KIF26B: variants seen among roughly 807,000 people sequenced by gnomAD.
KIF26B encodes the protein kinesin family member 26B.
KIF26B carries 63 observed loss-of-function variants against 151.2 expected under a neutral mutation model. The observed-to-expected ratio is 0.42, with a 90% CI of 0.34 to 0.51. The LOEUF (loss-of-function observed/expected upper bound fraction) is 0.51. Ranked by LOEUF, KIF26B falls within the 20% of genes least tolerant of loss-of-function variation. The probability of loss-of-function intolerance (pLI) is 0.07; values close to 1 mark genes in which losing one functional copy is unlikely to be tolerated. For synonymous variants in KIF26B, 1,357 were observed against 1,262.1 expected (o/e 1.08, Z -1.59); for missense variants, 2,813 against 2,913.6 (o/e 0.97, Z 0.79).
chr1:245,236,218 C>A (rs1473636151), intron 2 of KIF26B, among the ~76,000 whole-genome samples: 1 of 152,048 alleles, frequency 6.6e-6, no homozygotes, highest in Non-Finnish European at 1.5e-5. Flanking sequence ...GTGAGTGAGC[C>A]TCTGGCATCA....
chr1:245,183,812 T>G (rs1315023259), intron 2 of KIF26B, among the ~76,000 whole-genome samples: 1 of 151,886 alleles, frequency 6.6e-6, no homozygotes, highest in Non-Finnish European at 1.5e-5. Flanking sequence ...CAAAGCAAAT[T>G]AAGCATCAGA....
At chr1:245,442,817 AGCGGTC>A (rs1659144602) in intron 4 of KIF26B, among the ~76,000 whole-genome samples, 4 of 96,496 alleles carry the variant, frequency 4.1e-5, no homozygotes, top group Non-Finnish European at 8.5e-5. Context: ...GTTCACCTAC[AGCGGTC>A]ATCTCCCTCA....
At chr1:245,605,555 G>A (rs1378717037) in intron 6 of KIF26B, among the ~76,000 whole-genome samples, 1 of 152,230 alleles carries the variant, frequency 6.6e-6, no homozygotes, top group Non-Finnish European at 1.5e-5. Flanking sequence ...GGCTTCGGCA[G>A]TCGCTGGCTG....
intron 3 of KIF26B, among the ~76,000 whole-genome samples, chr1:245,381,631 C>T (rs759395728): frequency 6.6e-6 from 1 of 152,138 alleles, no homozygotes; most frequent in Non-Finnish European, 1.5e-5. Flanking sequence ...GCATTAGGTA[C>T]ATTGACATGA....
chr1:245,662,654 A>AGT, intron 10 of KIF26B, among the ~76,000 whole-genome samples: 1 of 34,396 alleles, frequency 2.9e-5, no homozygotes, highest in African/African-American at 1.5e-4. Flanking sequence ...ACACACATCC[A>AGT]ATACATACAT....
intron 2 of KIF26B, among the ~76,000 whole-genome samples, chr1:245,303,188 C>T (rs1319180302): frequency 1.4e-5 from 2 of 143,506 alleles, no homozygotes; most frequent in Non-Finnish European, 3.0e-5. Flanking sequence ...TTGAACTAAA[C>T]TAAATGTTCT....
intron 5 of KIF26B, among the ~76,000 whole-genome samples, chr1:245,574,853 CTTTTTTTTTTCTTTTTT>C (rs2043101529): frequency 7.2e-6 from 1 of 138,970 alleles, no homozygotes; most frequent in South Asian, 2.3e-4. Flanking sequence ...ATATCTTTTT[CTTTTTTTTTTCTTTTTT>C]TTTTTTTTTT....
chr1:245,366,046 C>A (rs1440096177), intron 2 of KIF26B, among the ~76,000 whole-genome samples: 1 of 152,178 alleles, frequency 6.6e-6, no homozygotes, highest in Non-Finnish European at 1.5e-5. Context: ...TAGAACAGAA[C>A]CTCTGTTCGA....
chr1:245,691,292 G>A (rs905871915), intron 12 of KIF26B, among the ~76,000 whole-genome samples: 3 of 152,246 alleles, frequency 2.0e-5, no homozygotes, highest in Admixed American at 2.0e-4. Context: ...CCTTGCTCTG[G>A]GCTAAGTGCT....
At chr1:245,266,386 C>T (rs992428404) in intron 2 of KIF26B, among the ~76,000 whole-genome samples, 1 of 152,156 alleles carries the variant, frequency 6.6e-6, no homozygotes, top group Non-Finnish European at 1.5e-5. Context: ...TTTATTCTTA[C>T]CTCTATTACC....
chr1:245,233,452 T>C lies in KIF26B; in HGVS notation c.465+76769T>C, dbSNP rs551813310. On this transcript the variant is annotated intron_variant, in intron 2 of 14. Coordinates refer to ENST00000407071, the MANE Select transcript of KIF26B (RefSeq NM_018012.4). ...CGTGACCTGAGGACCAGTGGAAAGATATTACCTGGGTACTTGTTAGAAAAT... is the reference window on the plus strand; with the variant it reads ...CGTGACCTGAGGACCAGTGGAAAGACATTACCTGGGTACTTGTTAGAAAAT... 9.2e-4 allele frequency among the ~76,000 whole-genome samples: 140 copies of C among 152,326 alleles called. 1 individual carries two copies. The highest frequency in any genetic ancestry group is 3.2e-3 in the African/African-American group (135 of 41,586).
intron 5 of KIF26B, among the ~76,000 whole-genome samples, chr1:245,591,893 C>G (rs73137647): frequency 0.04 from 6,161 of 152,260 alleles, 390 homozygotes; most frequent in African/African-American, 0.13. Context: ...ACCTGGCCCC[C>G]CAAGCCTGCC....
At chr1:245,427,823 C>T (rs145962252) in intron 4 of KIF26B, among the ~76,000 whole-genome samples, 2 of 152,326 alleles carry the variant, frequency 1.3e-5, no homozygotes, top group African/African-American at 4.8e-5. Flanking sequence ...TTCCAGATCT[C>T]AGTCTGCCTA....
chr1:245,702,583 G>A lies in KIF26B; in HGVS notation c.6304G>A (p.Asp2102Asn), dbSNP rs761880773. The change falls in exon 15 of 15, where the codon GAC becomes AAC. Residue 2102 changes from aspartate to asparagine, a missense_variant. Physicochemically the swap from Asp to Asn is conservative, Grantham distance 23. Around this residue, in one of 3 missense-constraint regions of KIF26B, gnomAD observed 2,060 missense variants for 2,088.6 expected, o/e 0.99. Coordinates refer to ENST00000407071, the MANE Select transcript of KIF26B (RefSeq NM_018012.4). The surrounding 1 kb of genome is among the most constrained non-coding windows in gnomAD (Gnocchi z 4.1). Reference sequence around the variant, plus strand: ...CCATCTCATGATGATCACCTGCTTCGACATCACCTCCAGGCGCCGGTAGAT... The same window carrying A: ...CCATCTCATGATGATCACCTGCTTCAACATCACCTCCAGGCGCCGGTAGAT... ...KAHLMMITCF[D>N]ITSRRR 9 of 1,613,868 alleles carry A rather than the reference G, an allele frequency of 5.6e-6. No individual in the cohort carries two copies. Among genetic ancestry groups the A allele is most frequent in the Admixed American group, 5.0e-5 (3 of 60,012 alleles).
intron 4 of KIF26B, among the ~76,000 whole-genome samples, chr1:245,466,536 C>T: frequency 6.6e-6 from 1 of 152,184 alleles, no homozygotes; most frequent in East Asian, 1.9e-4. Context: ...TTCCTTTTTA[C>T]TTGTTCTTTT....
intron 3 of KIF26B, among the ~76,000 whole-genome samples, chr1:245,405,068 C>G (rs769497900): frequency 6.6e-6 from 1 of 152,194 alleles, no homozygotes; most frequent in Non-Finnish European, 1.5e-5. Context: ...TCCAAATGCC[C>G]TGGGTAAACC....
At position 245,698,572 on chromosome 1, in the gene KIF26B, C is replaced by A. The variant is rs181299152; in HGVS notation, c.6027+264C>A. On this transcript the variant is annotated intron_variant, in intron 13 of 14. Coordinates refer to ENST00000407071, the MANE Select transcript of KIF26B (RefSeq NM_018012.4). The surrounding 1 kb of genome is among the most constrained non-coding windows in gnomAD (Gnocchi z 4.0). ...GGGGCTGGTGATCTTGGGGGCTTTT[C>A]TGGCTCCTTGAGGCTCCCAGTCTTA... 1.3e-5 allele frequency among the ~76,000 whole-genome samples: 2 copies of A among 152,320 alleles called. No individual in the cohort carries two copies. The highest frequency in any genetic ancestry group is 3.9e-4 in the East Asian group (2 of 5,184).
At chr1:245,462,957 GAC>G (rs1431432038) in intron 4 of KIF26B, among the ~76,000 whole-genome samples, 1 of 152,168 alleles carries the variant, frequency 6.6e-6, no homozygotes, top group African/African-American at 2.4e-5. Flanking sequence ...AGGTTGTGGA[GAC>G]AAGGCTTCCT....
intron 10 of KIF26B, among the ~76,000 whole-genome samples, chr1:245,656,361 G>C (rs2044074757): frequency 6.6e-6 from 1 of 152,170 alleles, no homozygotes; most frequent in Non-Finnish European, 1.5e-5. Context: ...TCCTCTAAAT[G>C]CCTGAGTCAT....
Sources: gnomAD v4.1 joint callset for allele counts (sites outside exome capture counted in the v4.1 genomes callset) on GRCh38, gnomAD v4.1.1 for gene constraint, gnomAD v4.1.1 regional missense constraint, Gnocchi (gnomAD v3.1) non-coding constraint, MANE v1.5 for transcripts, NCBI Gene and HGNC (gene_info 2026-07-23, HGNC 2026-07-21) for gene names.